SORCS2: variants seen among roughly 807,000 people sequenced by gnomAD.
SORCS2 encodes VPS10 domain-containing receptor SorCS2.
Under a neutral mutation model 141.6 loss-of-function variants are expected in SORCS2, and 100 were observed. The observed-to-expected ratio is 0.71, with a 90% CI of 0.60 to 0.83. The LOEUF (loss-of-function observed/expected upper bound fraction) is 0.83, where lower values mean the gene tolerates loss of function less well. Ranked by LOEUF, SORCS2 falls within the 40% of genes least tolerant of loss-of-function variation. SORCS2 has a pLI of 0.00. For synonymous variants in SORCS2, 789 were observed against 676.9 expected (o/e 1.17, Z -2.57); for missense variants, 1,646 against 1,560.2 (o/e 1.05, Z -0.93).
At chr4:7,569,510 C>T (rs13435829) in intron 3 of SORCS2, among the ~76,000 whole-genome samples, 8,210 of 151,974 alleles carry the variant, frequency 0.054, 717 homozygotes, top group African/African-American at 0.18. Flanking sequence ...GGCAAGACTC[C>T]GTCGCAAAAA....
intron 4 of SORCS2, among the ~76,000 whole-genome samples, chr4:7,646,039 C>T (rs533937417): frequency 7.2e-5 from 11 of 152,380 alleles, no homozygotes; most frequent in African/African-American, 1.9e-4. Flanking sequence ...CGTGTTCATT[C>T]GGTCAGCAAA....
At chr4:7,539,925 C>A (rs1300191284) in intron 3 of SORCS2, among the ~76,000 whole-genome samples, 1 of 151,632 alleles carries the variant, frequency 6.6e-6, no homozygotes, top group Non-Finnish European at 1.5e-5. Context: ...GGCCCCACCC[C>A]CTTCCTGCTG....
chr4:7,702,347 C>T (rs766153466), intron 12 of SORCS2, among the ~76,000 whole-genome samples: 4 of 152,336 alleles, frequency 2.6e-5, no homozygotes, highest in Admixed American at 6.5e-5. Flanking sequence ...ATGCGCTGGC[C>T]GCCCACACAT....
chr4:7,523,712 T>C (rs946159495), intron 2 of SORCS2, among the ~76,000 whole-genome samples: 1 of 152,134 alleles, frequency 6.6e-6, no homozygotes, highest in African/African-American at 2.4e-5. Flanking sequence ...AGGCCGCTGT[T>C]ATGTGATTGG....
intron 1 of SORCS2, among the ~76,000 whole-genome samples, chr4:7,245,883 A>C (rs1243295570): frequency 6.6e-6 from 1 of 152,172 alleles, no homozygotes; most frequent in Non-Finnish European, 1.5e-5. Flanking sequence ...AGAGATGGCA[A>C]CTGACTTGTT....
At position 7,314,815 on chromosome 4, in the gene SORCS2, T is replaced by A. The variant is rs1438019899; in HGVS notation, c.481-81473T>A. Among the ~76,000 whole-genome samples the A allele has an allele frequency of 6.3e-5, 5 of 79,834 alleles. No homozygotes were observed. The East Asian group carries it at 2.3e-3, about 36-fold the overall frequency. The allele number at this position is 79,834 out of a possible 152,430, so 52.4% of individuals were successfully genotyped here. A position where few individuals can be genotyped will look rare whatever the true frequency, so the allele number is the denominator to read the frequency against. On this transcript the variant is annotated intron_variant, in intron 1 of 26. Coordinates refer to ENST00000507866, the MANE Select transcript of SORCS2 (RefSeq NM_020777.3). ...CCACTGTTCTGTTTTTTTTTTTTTTTTTTTTTTTTTTTTTATTGTTGTTGT... is the reference window on the plus strand; with the variant it reads ...CCACTGTTCTGTTTTTTTTTTTTTTATTTTTTTTTTTTTTATTGTTGTTGT...
At chr4:7,495,123 T>C (rs1731533808) in intron 2 of SORCS2, among the ~76,000 whole-genome samples, 1 of 152,362 alleles carries the variant, frequency 6.6e-6, no homozygotes, top group African/African-American at 2.4e-5. Context: ...GTGCTGGTAC[T>C]ACAGTCAGCT....
At chr4:7,360,696 C>T (rs1031577769) in intron 1 of SORCS2, among the ~76,000 whole-genome samples, 2 of 147,200 alleles carry the variant, frequency 1.4e-5, no homozygotes, top group African/African-American at 2.5e-5. Context: ...GATCCTTCCA[C>T]CTCAGCCTCC....
At chr4:7,531,676 C>G (rs529771187) in intron 3 of SORCS2, 47 bp downstream of exon 3, 1 of 1,559,042 alleles carries the variant, frequency 6.4e-7, no homozygotes, top group East Asian at 2.3e-5. Context: ...TCGCCTTGTG[C>G]CGCTCACTCT....
At chr4:7,613,571 A>G (rs1405604716) in intron 3 of SORCS2, among the ~76,000 whole-genome samples, 1 of 152,182 alleles carries the variant, frequency 6.6e-6, no homozygotes, top group Non-Finnish European at 1.5e-5. Context: ...GTGGCCCACT[A>G]AAGAACAAAG....
chr4:7,417,452 G>T (rs947328070), intron 2 of SORCS2, among the ~76,000 whole-genome samples: 2 of 152,188 alleles, frequency 1.3e-5, no homozygotes, highest in South Asian at 4.1e-4. Flanking sequence ...GGTAGCTTGG[G>T]GGTAGAAGCT....
intron 1 of SORCS2, among the ~76,000 whole-genome samples, chr4:7,222,022 C>T (rs1188067040): frequency 1.3e-5 from 2 of 151,974 alleles, no homozygotes; most frequent in Non-Finnish European, 1.5e-5. Context: ...AAGTGATGAC[C>T]CACCCGGGCC....
intron 1 of SORCS2, among the ~76,000 whole-genome samples, chr4:7,202,483 C>T (rs1316361445): frequency 2.0e-5 from 3 of 152,230 alleles, no homozygotes; most frequent in African/African-American, 7.2e-5. Flanking sequence ...TAATTAGTTT[C>T]TTCTCACACC....
intron 2 of SORCS2, among the ~76,000 whole-genome samples, chr4:7,472,419 G>A (rs57503382): frequency 1.6e-3 from 249 of 152,322 alleles, no homozygotes; most frequent in African/African-American, 5.6e-3. Context: ...GGGATGAGGG[G>A]ATGGCGTGGA....
chr4:7,694,783 G>T (rs1429912228), intron 11 of SORCS2, among the ~76,000 whole-genome samples: 1 of 152,082 alleles, frequency 6.6e-6, no homozygotes, highest in Non-Finnish European at 1.5e-5. Flanking sequence ...CTGCCCCTCT[G>T]CCCCACCCAT....
chr4:7,381,463 C>A (rs563640259), intron 1 of SORCS2, among the ~76,000 whole-genome samples: 1 of 152,302 alleles, frequency 6.6e-6, no homozygotes, highest in South Asian at 2.1e-4. Context: ...GGGGGCTGCC[C>A]CTGAAAGGGT....
chr4:7,460,557 C>G (rs1355671080), intron 2 of SORCS2, among the ~76,000 whole-genome samples: 6 of 152,234 alleles, frequency 3.9e-5, no homozygotes, highest in Non-Finnish European at 7.3e-5. Context: ...CGCTTAGACC[C>G]CATGGTGCAT....
At position 7,726,855 on chromosome 4, in the gene SORCS2, G is replaced by A. The variant is rs769602521; in HGVS notation, c.2821G>A (p.Ala941Thr). The change falls in exon 21 of 27, where the codon GCC (alanine) becomes ACC (threonine). Residue 941 changes from alanine to threonine, a missense_variant. Transcript: ENST00000507866. ...CGACGTGCGTGTGACGGTGCAGGCCGCCTGTGGGAACTCGGTGCTGCAGGA... is the reference window on the plus strand; with the variant it reads ...CGACGTGCGTGTGACGGTGCAGGCCACCTGTGGGAACTCGGTGCTGCAGGA... The part of the protein sequence containing the change: ...TGDVRVTVQA[A>T]CGNSVLQDSR... 2.5e-5 allele frequency: 40 copies of A among 1,613,742 alleles called. No individual in the cohort carries two copies. Among genetic ancestry groups the A allele is most frequent in the Admixed American group, 5.0e-5 (3 of 60,002 alleles).
chr4:7,691,209 G>T (rs1724227135), intron 11 of SORCS2, among the ~76,000 whole-genome samples: 1 of 152,254 alleles, frequency 6.6e-6, no homozygotes, highest in Admixed American at 6.5e-5. Context: ...GTGGACCCCA[G>T]ACTCTGAGCT....
Sources: allele counts gnomAD v4.1 joint callset (sites outside exome capture counted in the v4.1 genomes callset), GRCh38; gene constraint gnomAD v4.1.1; transcripts MANE v1.5; gene names NCBI Gene and HGNC (gene_info 2026-07-23, HGNC 2026-07-21).